Variants in TMEM255A observed in about 807,000 individuals in gnomAD.
TMEM255A encodes family with sequence similarity 70, member A.
Under a neutral mutation model 23.5 loss-of-function variants are expected in TMEM255A, and 14 were observed. That is an observed-to-expected ratio of 0.60 (90% CI 0.39 to 0.93). The LOEUF (loss-of-function observed/expected upper bound fraction) is 0.93, where lower values mean the gene tolerates loss of function less well. Among genes scored for constraint, TMEM255A ranks in the 40% least tolerant of loss-of-function variants. TMEM255A has a pLI of 0.00. For missense variants in TMEM255A, 233 were observed against 261.7 expected (o/e 0.89, Z 0.76); for synonymous variants, 104 against 100.3 (o/e 1.04, Z -0.22).
chrX:120,310,728 C>G (rs1237787091), intron 1 of TMEM255A, among the ~76,000 whole-genome samples: 4 of 37,624 alleles, frequency 1.1e-4, no homozygotes, highest in Non-Finnish European at 1.7e-4. Flanking sequence ...TTGCGCAACC[C>G]GCCCCCCCCC....
intron 5 of TMEM255A, chrX:120,285,473 AGGAAGGACAGAT>A: frequency 1.2e-6 from 1 of 814,820 alleles, no homozygotes; most frequent in South Asian, 2.4e-5. Context: ...GATGGAGAGA[AGGAAGGACAGAT>A]GGAAGGACAG....
intron 6 of TMEM255A, among the ~76,000 whole-genome samples, chrX:120,282,779 C>T (rs1230528451): frequency 3.6e-5 from 4 of 112,386 alleles, no homozygotes; most frequent in Non-Finnish European, 7.5e-5. Flanking sequence ...AAACAATTCA[C>T]CTGAGGACTC....
At chrX:120,279,358 T>G (rs960657864) in intron 6 of TMEM255A, among the ~76,000 whole-genome samples, 47 of 112,085 alleles carry the variant, frequency 4.2e-4, no homozygotes, top group African/African-American at 1.5e-3. Context: ...CAAGAGCCCA[T>G]GCATAAGCAT....
chrX:120,298,443 GTAAC>G (rs1234457881), intron 2 of TMEM255A, among the ~76,000 whole-genome samples: 1 of 110,671 alleles, frequency 9.0e-6, no homozygotes, highest in Non-Finnish European at 1.9e-5. Flanking sequence ...TTTCTTGAAT[GTAAC>G]TAACTTGGTG....
intron 3 of TMEM255A, 136 bp from the exon 4 acceptor site, chrX:120,291,476 A>T (rs1362495096): frequency 6.0e-6 from 3 of 502,286 alleles, no homozygotes; most frequent in South Asian, 3.4e-5. Context: ...CTTTTTGGTC[A>T]TGCAGGATGA....
At chrX:120,306,594 A>G (rs1174680038) in intron 1 of TMEM255A, among the ~76,000 whole-genome samples, 1 of 112,061 alleles carries the variant, frequency 8.9e-6, no homozygotes, top group Non-Finnish European at 1.9e-5. Flanking sequence ...TACACCACGG[A>G]TATCTTTGTG....
At chrX:120,304,592 G>T in intron 1 of TMEM255A, 101 bp from the exon 2 acceptor site, 1 of 912,963 alleles carries the variant, frequency 1.1e-6, no homozygotes. Flanking sequence ...TATTCCTACC[G>T]GTAACTGAAG....
At chrX:120,279,767 G>A (rs903945316) in intron 6 of TMEM255A, among the ~76,000 whole-genome samples, 2 of 111,449 alleles carry the variant, frequency 1.8e-5, no homozygotes, top group Non-Finnish European at 3.8e-5. Context: ...GAGCCCGGGG[G>A]ATGTAATGCC....
rs982189632 is a variant in TMEM255A at position 120,311,332 on chromosome X, C to T, written c.-23G>A. The T allele has an allele frequency of 1.7e-6, 2 of 1,163,109 alleles. No individual in the cohort carries two copies. The highest frequency in any genetic ancestry group is 2.3e-6 in the Non-Finnish European group (2 of 867,250). ...CATGGTGAAAACTGCCCGGTTGCCC[C>T]AGTCCCCGAAGCTGCTTCAAGCGCC... On this transcript the variant is annotated 5_prime_UTR_variant, in exon 1 of 9. Coordinates refer to ENST00000371369, the MANE Select transcript of TMEM255A (RefSeq NM_001104544.3).
intron 3 of TMEM255A, among the ~76,000 whole-genome samples, chrX:120,292,775 A>C (rs2057925475): frequency 9.1e-6 from 1 of 109,691 alleles, no homozygotes; most frequent in Non-Finnish European, 1.9e-5. Context: ...AAAAAAAATC[A>C]AGGCCACCCT....
intron 2 of TMEM255A, among the ~76,000 whole-genome samples, chrX:120,303,448 A>T (rs2147219663): frequency 9.0e-6 from 1 of 111,452 alleles, no homozygotes; most frequent in East Asian, 2.8e-4. Context: ...AACAAAATGG[A>T]TAAGAGGCTT....
chrX:120,288,509 C>T (rs1459238465), intron 4 of TMEM255A, among the ~76,000 whole-genome samples: 5 of 112,358 alleles, frequency 4.5e-5, no homozygotes, highest in Non-Finnish European at 9.4e-5. Flanking sequence ...CACAGCCCTT[C>T]TCACCTCCTG....
At chrX:120,302,347 T>C (rs928116923) in intron 2 of TMEM255A, among the ~76,000 whole-genome samples, 1 of 110,925 alleles carries the variant, frequency 9.0e-6, no homozygotes, top group Non-Finnish European at 1.9e-5. Flanking sequence ...CCACAGAGAC[T>C]CTAAATCTTG....
intron 6 of TMEM255A, among the ~76,000 whole-genome samples, chrX:120,281,109 C>T: frequency 8.9e-6 from 1 of 112,401 alleles, no homozygotes; most frequent in Middle Eastern, 4.6e-3. Flanking sequence ...AAGGCCAAGG[C>T]CGACATGATG....
chrX:120,257,330 A>G (rs782436081), downstream of TMEM255A: 1 of 122,549 alleles, frequency 8.2e-6, no homozygotes, highest in African/African-American at 3.2e-5. Context: ...TTTGAGTTTC[A>G]TTAATGCTAT....
At chrX:120,305,360 A>G (rs1363927658) in intron 1 of TMEM255A, among the ~76,000 whole-genome samples, 1 of 109,596 alleles carries the variant, frequency 9.1e-6, no homozygotes, top group Non-Finnish European at 1.9e-5. Flanking sequence ...CTCTGCAGGG[A>G]TTTCTCAGGC....
chrX:120,267,848 G>A (rs2057727301), intron 8 of TMEM255A, among the ~76,000 whole-genome samples: 1 of 111,459 alleles, frequency 9.0e-6, no homozygotes, highest in Non-Finnish European at 1.9e-5. Context: ...AGCAGGATTA[G>A]GCCTCTCCCC....
intron 5 of TMEM255A, 113 bp from the exon 6 acceptor site, chrX:120,285,328 T>C: frequency 1.4e-6 from 1 of 720,000 alleles, no homozygotes; most frequent in Non-Finnish European, 2.2e-6. Context: ...GGCTTTGAAA[T>C]GAACACCCAA....
intron 8 of TMEM255A, among the ~76,000 whole-genome samples, chrX:120,267,967 A>G (rs188489097): frequency 9.0e-6 from 1 of 110,596 alleles, no homozygotes; most frequent in East Asian, 2.9e-4. Context: ...GTTTAAGGCA[A>G]TTTGGGATAC....
Sources: allele counts gnomAD v4.1 joint callset (sites outside exome capture counted in the v4.1 genomes callset), GRCh38; gene constraint gnomAD v4.1.1; transcripts MANE v1.5; gene names NCBI Gene and HGNC (gene_info 2026-07-23, HGNC 2026-07-21).